BNC2: variants seen among roughly 807,000 people sequenced by gnomAD.
BNC2 encodes zinc finger protein basonuclin-2.
A neutral mutation model predicts 76.3 loss-of-function variants in BNC2; 20 were observed. The ratio of observed to expected loss-of-function variants is 0.26; its 90% CI spans 0.18 to 0.38. BNC2 has a LOEUF of 0.38. Among genes scored for constraint, BNC2 ranks in the 10% least tolerant of loss-of-function variants. BNC2 has a pLI of 1.00. For missense variants in BNC2, 1,382 were observed against 1,399.8 expected, an observed-to-expected ratio of 0.99 and a Z score of 0.20; for synonymous variants, 582 against 514.8, an observed-to-expected ratio of 1.13 and a Z score of -1.77.
chr9:16,622,173 T>C (rs1386007254), intron 3 of BNC2, among the ~76,000 whole-genome samples: 1 of 152,164 alleles, frequency 6.6e-6, no homozygotes, highest in African/African-American at 2.4e-5. Context: ...ATTATAAAAT[T>C]TTATCTAGTT....
chr9:16,435,450 G>A, intron 6 of BNC2, 105 bp downstream of exon 6: 1 of 1,352,892 alleles, frequency 7.4e-7, no homozygotes, highest in Non-Finnish European at 1.0e-6. Flanking sequence ...TCTTTACAGT[G>A]CACCAAAAAC....
intron 1 of BNC2, among the ~76,000 whole-genome samples, chr9:16,787,759 C>T (rs1051199116): frequency 3.3e-5 from 5 of 152,060 alleles, no homozygotes; most frequent in South Asian, 2.1e-4. Flanking sequence ...CTTTGTTGCC[C>T]GGGCTGGTCT....
chr9:16,710,473 AG>A (rs1312233845), intron 3 of BNC2, among the ~76,000 whole-genome samples: 2 of 152,270 alleles, frequency 1.3e-5, no homozygotes, highest in Non-Finnish European at 2.9e-5. Context: ...ATAATTAATA[AG>A]GAATTTCCTG....
chr9:16,825,991 G>A (rs189705477), intron 1 of BNC2, among the ~76,000 whole-genome samples: 41 of 152,154 alleles, frequency 2.7e-4, no homozygotes, highest in Non-Finnish European at 4.6e-4. Flanking sequence ...AGGTGACACT[G>A]GTCTGTTCCT....
At chr9:16,492,129 T>G (rs1327892474) in intron 5 of BNC2, among the ~76,000 whole-genome samples, 1 of 151,932 alleles carries the variant, frequency 6.6e-6, no homozygotes, top group Admixed American at 6.6e-5. Context: ...CTGACAATGT[T>G]TTTTTCTTTT....
intron 1 of BNC2, among the ~76,000 whole-genome samples, chr9:16,817,970 G>C (rs547141911): frequency 4.5e-4 from 68 of 152,262 alleles, no homozygotes; most frequent in Middle Eastern, 3.4e-3. Context: ...AGCATTGTTT[G>C]TGTTGTTAGT....
chr9:16,661,863 T>C (rs1433252646), intron 3 of BNC2, among the ~76,000 whole-genome samples: 1 of 152,202 alleles, frequency 6.6e-6, no homozygotes, highest in Non-Finnish European at 1.5e-5. Context: ...AACCAAACCA[T>C]TTAATGCATA....
intron 5 of BNC2, among the ~76,000 whole-genome samples, chr9:16,543,064 A>G (rs1818373536): frequency 6.6e-6 from 1 of 152,120 alleles, no homozygotes; most frequent in African/African-American, 2.4e-5. Context: ...AATACTAGAA[A>G]AGGACACAGT....
chr9:16,604,247 G>A (rs891449782), intron 3 of BNC2, among the ~76,000 whole-genome samples: 1 of 152,060 alleles, frequency 6.6e-6, no homozygotes, highest in South Asian at 2.1e-4. Flanking sequence ...CTGTAAGAGA[G>A]ATTTTTTAAA....
chr9:16,620,793 T>TA, intron 3 of BNC2, among the ~76,000 whole-genome samples: 1 of 152,102 alleles, frequency 6.6e-6, no homozygotes, highest in South Asian at 2.1e-4. Flanking sequence ...AGTAGATGAG[T>TA]GAATATTTAA....
intron 1 of BNC2, among the ~76,000 whole-genome samples, chr9:16,825,320 A>G (rs564186455): frequency 9.2e-5 from 14 of 152,294 alleles, no homozygotes; most frequent in Non-Finnish European, 1.8e-4. Flanking sequence ...ATTTCAGTAC[A>G]GTAGAGTTCT....
At chr9:16,582,892 G>GACACACACACACACACACACAA (rs1819664336) in intron 4 of BNC2, 91 bp downstream of exon 4, 2 of 599,784 alleles carry the variant, frequency 3.3e-6, no homozygotes, top group African/African-American at 4.1e-5. Context: ...CCTCTAAACA[G>GACACACACACACACACACACAA]ACACACACAC....
chr9:16,804,262 A>G (rs1448387733), intron 1 of BNC2, among the ~76,000 whole-genome samples: 1 of 152,240 alleles, frequency 6.6e-6, no homozygotes, highest in Non-Finnish European at 1.5e-5. Flanking sequence ...TTATCGGCTA[A>G]CTGTTCTAAA....
intron 1 of BNC2, among the ~76,000 whole-genome samples, chr9:16,759,773 G>T (rs1825498763): frequency 1.3e-5 from 2 of 149,336 alleles, no homozygotes; most frequent in Admixed American, 6.7e-5. Context: ...GCCCTGACTA[G>T]AGTGTAGTGG....
chr9:16,418,718 A>T lies in BNC2; in HGVS notation c.*271T>A. ...TGTGCATGTGTGTGTGTGTGTGTTT[A>T]AAGGGGTACTCTGTTTTCACCCTGA... On this transcript the variant is annotated 3_prime_UTR_variant, in exon 7 of 7. Transcript: ENST00000380672. 2 of 418,860 alleles carry T rather than the reference A, an allele frequency of 4.8e-6. No homozygotes were observed. The highest frequency in any genetic ancestry group is 4.4e-6 in the Non-Finnish European group (1 of 228,162). The allele number at this position is 418,860 out of a possible 1,614,324, so 25.9% of individuals were successfully genotyped here.
In BNC2 at chr9:16,435,215, A is replaced by C. The variant is rs544367928; in HGVS notation, c.2639+340T>G. On this transcript the variant is annotated intron_variant, in intron 6 of 6. Coordinates refer to ENST00000380672, the MANE Select transcript of BNC2 (RefSeq NM_017637.6). Reference sequence around the variant, plus strand: ...ATATATAACAGAAGCTGTGGCTTCTAAGTGAAGGTTCACGGGGAAGCAGGG... The same window carrying C: ...ATATATAACAGAAGCTGTGGCTTCTCAGTGAAGGTTCACGGGGAAGCAGGG... 775 of 391,144 alleles carry C rather than the reference A, an allele frequency of 2.0e-3. 11 individuals carry two copies. The highest frequency in any genetic ancestry group is 0.014 in the South Asian group (611 of 42,894). 24.2% of individuals were successfully genotyped at this position (391,144 alleles called of 1,614,324 possible). A position where few individuals can be genotyped will look rare whatever the true frequency, so the allele number is the denominator to read the frequency against.
At chr9:16,649,195 C>T (rs868019873) in intron 3 of BNC2, among the ~76,000 whole-genome samples, 109 of 152,194 alleles carry the variant, frequency 7.2e-4, no homozygotes, top group African/African-American at 2.5e-3. Context: ...GACGGACTCA[C>T]GGGCCCCAGC....
At chr9:16,740,339 T>C (rs180829768) in intron 1 of BNC2, among the ~76,000 whole-genome samples, 142 of 152,278 alleles carry the variant, frequency 9.3e-4, no homozygotes, top group African/African-American at 3.2e-3. Context: ...GATAGGGAGA[T>C]TGACAGTGAC....
chr9:16,425,492 C>A (rs1820787368), intron 6 of BNC2, among the ~76,000 whole-genome samples: 1 of 152,196 alleles, frequency 6.6e-6, no homozygotes, highest in Non-Finnish European at 1.5e-5. Flanking sequence ...TCCTGAGAAG[C>A]CATTTAACTT....
Sources: allele counts gnomAD v4.1 joint callset (sites outside exome capture counted in the v4.1 genomes callset), GRCh38; gene constraint gnomAD v4.1.1; transcripts MANE v1.5; gene names NCBI Gene and HGNC (gene_info 2026-07-23, HGNC 2026-07-21).